The following PODXL variants were observed in gnomAD, a reference collection of about 807,000 sequenced individuals.
PODXL encodes podocalyxin like.
PODXL carries 20 observed loss-of-function variants against 48.9 expected under a neutral mutation model. The observed-to-expected ratio is 0.41, with a 90% CI of 0.29 to 0.59. The LOEUF is 0.59. Among genes scored for constraint, PODXL ranks in the 20% least tolerant of loss-of-function variants. PODXL has a pLI of 0.31. For synonymous variants in PODXL, 295 were observed against 287.4 expected (o/e 1.03, Z -0.27); for missense variants, 606 against 675.1 (o/e 0.90, Z 1.13).
At chr7:131,534,705 AGT>A (rs1798341360) in intron 1 of PODXL, among the ~76,000 whole-genome samples, 1 of 152,202 alleles carries the variant, frequency 6.6e-6, no homozygotes, top group Non-Finnish European at 1.5e-5. Flanking sequence ...GAGTCTGGTA[AGT>A]GAGACTCTGG....
intron 1 of PODXL, among the ~76,000 whole-genome samples, chr7:131,540,402 C>A (rs942806314): frequency 1.3e-5 from 2 of 151,958 alleles, no homozygotes; most frequent in Non-Finnish European, 2.9e-5. Flanking sequence ...AAGGCCCCAC[C>A]CCAGGTCAGA....
At position 131,556,499 on chromosome 7, in the gene PODXL, AGTC is replaced by A; in HGVS notation, c.-143_-141del. 9.5e-7 allele frequency: 1 copy of A among 1,049,030 alleles called. No homozygotes were observed. Among genetic ancestry groups the A allele is most frequent in the Non-Finnish European group, 1.2e-6 (1 of 819,876 alleles). 65.0% of individuals were successfully genotyped at this position (1,049,030 alleles called of 1,614,324 possible). A position where few individuals can be genotyped will look rare whatever the true frequency, so the allele number is the denominator to read the frequency against. ...GCCAGGCTGTGGCCCGGGGCTCCCGAGTCGCGCTGCGGCGGCTCTTCCTCCCTG... is the reference window on the plus strand; with the variant it reads ...GCCAGGCTGTGGCCCGGGGCTCCCGAGCGCTGCGGCGGCTCTTCCTCCCTG... On this transcript the variant is annotated 5_prime_UTR_variant, in exon 1 of 9. Coordinates refer to ENST00000378555, the MANE Select transcript of PODXL (RefSeq NM_001018111.3).
chr7:131,556,342 C>A lies in PODXL; in HGVS notation c.18G>T (p.Ala6=). 6.9e-7 allele frequency: 1 copy of A among 1,457,798 alleles called. No individual in the cohort carries two copies. The allele number at this position is 1,457,798 out of a possible 1,614,324, so 90.3% of individuals were successfully genotyped here. A position where few individuals can be genotyped will look rare whatever the true frequency, so the allele number is the denominator to read the frequency against. Residue 6 remains alanine (A), a synonymous_variant, in exon 1 of 9, where the codon GCG becomes GCT. Coordinates refer to ENST00000378555, the MANE Select transcript of PODXL (RefSeq NM_001018111.3). MRCAL[A]LSALLLLLST... is the part of the protein sequence containing the mutation. The stretch of plus-strand genomic sequence containing the variant: ...ACAACAGTAGCAGCAGCGCCGAGAG[C>A]GCCAGCGCGCAGCGCATCGTGTCGT...
At chr7:131,524,377 C>CAGAGAGAGAGAGAGAGAGAG (rs1451998492) in intron 1 of PODXL, among the ~76,000 whole-genome samples, 3 of 24,068 alleles carry the variant, frequency 1.2e-4, no homozygotes, top group Non-Finnish European at 2.7e-4. Context: ...CACACACACA[C>CAGAGAGAGAGAGAGAGAGAG]ACAGAGAGAG....
chr7:131,519,763 C>T (rs1798064272), intron 1 of PODXL, among the ~76,000 whole-genome samples: 1 of 152,124 alleles, frequency 6.6e-6, no homozygotes, highest in South Asian at 2.1e-4. Context: ...GAGTCTCACT[C>T]CGTCCCACAG....
intron 1 of PODXL, among the ~76,000 whole-genome samples, chr7:131,532,861 G>A (rs552008830): frequency 1.6e-4 from 25 of 152,212 alleles, no homozygotes; most frequent in Non-Finnish European, 2.4e-4. Flanking sequence ...CTCTCTGCCC[G>A]GTGAGGTCAC....
chr7:131,530,055 C>G (rs931076019), intron 1 of PODXL, among the ~76,000 whole-genome samples: 2 of 152,090 alleles, frequency 1.3e-5, no homozygotes, highest in Non-Finnish European at 1.5e-5. Context: ...GCTCCACAAG[C>G]CTCTTCTTTC....
In PODXL at chr7:131,547,374, C is replaced by CAAAAAAAA. The variant is rs10683140; in HGVS notation, c.100+8878_100+8885dup. 3.9e-4 allele frequency among the ~76,000 whole-genome samples: 27 copies of CAAAAAAAA among 68,946 alleles called. 1 individual carries two copies. The highest frequency in any genetic ancestry group is 1.1e-3 in the Admixed American group (5 of 4,606). 45.2% of individuals were successfully genotyped at this position (68,946 alleles called of 152,430 possible). On this transcript the variant is annotated intron_variant, in intron 1 of 8. Coordinates refer to ENST00000378555, the MANE Select transcript of PODXL (RefSeq NM_001018111.3). ...GACAAACAAGAGTGAAACTCCGTCT[C>CAAAAAAAA]AAAAAAAAAAAAAAAAAAAAAAAAT...
At chr7:131,504,610 T>C (rs1283336933) in intron 8 of PODXL, 102 bp from the exon 9 acceptor site, 121 of 957,852 alleles carry the variant, frequency 1.3e-4, no homozygotes, top group Non-Finnish European at 1.8e-4. Flanking sequence ...CCACTGTAGC[T>C]AAAGCAGGCC....
intron 1 of PODXL, among the ~76,000 whole-genome samples, chr7:131,518,118 A>T (rs1798031640): frequency 1.3e-5 from 2 of 152,048 alleles, no homozygotes; most frequent in South Asian, 2.1e-4. Context: ...TCTTAACTTG[A>T]TTACATCTGC....
chr7:131,544,316 T>C (rs544981605), intron 1 of PODXL, among the ~76,000 whole-genome samples: 2 of 152,332 alleles, frequency 1.3e-5, no homozygotes, highest in African/African-American at 4.8e-5. Flanking sequence ...GCCTGTGGCA[T>C]TCAGAGATGT....
chr7:131,556,251 G>T lies in PODXL; in HGVS notation c.100+9C>A, dbSNP rs756204924. On this transcript the variant is annotated intron_variant, in intron 1 of 8. Coordinates refer to ENST00000378555, the MANE Select transcript of PODXL (RefSeq NM_001018111.3). Reference sequence around the variant, plus strand: ...GGGAGTCCCGGCGGAACCCAGGCCGGCCACTCACCATTCTGGGAGGGCGAC... The same window carrying T: ...GGGAGTCCCGGCGGAACCCAGGCCGTCCACTCACCATTCTGGGAGGGCGAC... The T allele has an allele frequency of 2.0e-6, 3 of 1,474,646 alleles. No individual in the cohort carries two copies. Among genetic ancestry groups the T allele is most frequent in the Non-Finnish European group, 9.0e-7 (1 of 1,115,498 alleles). The allele number at this position is 1,474,646 out of a possible 1,614,324, so 91.3% of individuals were successfully genotyped here.
Position 131,521,673 on chromosome 7 carries a change from A to G in PODXL, c.101-10240T>C, listed in dbSNP as rs566033087. Among the ~76,000 whole-genome samples, 23 of 152,298 alleles carry G rather than the reference A, an allele frequency of 1.5e-4. No homozygotes were observed. In the South Asian group the frequency reaches 4.6e-3, roughly 30 times the overall value. ...TCAAATGAATTTCTAAAAGCTGTGTATGGGTTAGTATGAAAATGTGAAGCC... is the reference window on the plus strand; with the variant it reads ...TCAAATGAATTTCTAAAAGCTGTGTGTGGGTTAGTATGAAAATGTGAAGCC... On this transcript the variant is annotated intron_variant, in intron 1 of 8. Coordinates refer to ENST00000378555, the MANE Select transcript of PODXL (RefSeq NM_001018111.3).
Position 131,524,409 on chromosome 7 carries a change from A to AGAGAGAGAGAG in PODXL, c.101-12977_101-12976insCTCTCTCTCTC, listed in dbSNP as rs760491817. 4.2e-3 allele frequency among the ~76,000 whole-genome samples: 304 copies of AGAGAGAGAGAG among 72,196 alleles called. 4 individuals carry two copies. Among genetic ancestry groups the AGAGAGAGAGAG allele is most frequent in the Middle Eastern group, 0.015 (2 of 136 alleles). The allele number at this position is 72,196 out of a possible 152,430, so 47.4% of individuals were successfully genotyped here. On this transcript the variant is annotated intron_variant, in intron 1 of 8. Transcript: ENST00000378555. Reference sequence around the variant, plus strand: ...AGAGAGAGAGAGAGAGAGAGAGAGAAAACAACAAGGAAAACTCAACAATAA... The same window carrying AGAGAGAGAGAG: ...AGAGAGAGAGAGAGAGAGAGAGAGAAGAGAGAGAGAGAACAACAAGGAAAACTCAACAATAA...
chr7:131,555,772 C>A (rs574170407), intron 1 of PODXL, among the ~76,000 whole-genome samples: 55 of 152,344 alleles, frequency 3.6e-4, no homozygotes, highest in Non-Finnish European at 6.9e-4. Flanking sequence ...GTACATCGCC[C>A]GCGTGGGCCG....
intron 1 of PODXL, among the ~76,000 whole-genome samples, chr7:131,546,082 T>A (rs1289086798): frequency 6.6e-6 from 1 of 152,072 alleles, no homozygotes; most frequent in Admixed American, 6.6e-5. Context: ...TCCATGCACC[T>A]CCCCCATGCC....
At chr7:131,540,593 TC>T (rs1393207798) in intron 1 of PODXL, among the ~76,000 whole-genome samples, 2 of 151,782 alleles carry the variant, frequency 1.3e-5, no homozygotes, top group African/African-American at 4.8e-5. Context: ...CACACACACT[TC>T]CAGAGCCAAA....
chr7:131,548,042 G>A (rs972824975), intron 1 of PODXL, among the ~76,000 whole-genome samples: 7 of 152,118 alleles, frequency 4.6e-5, no homozygotes, highest in East Asian at 1.9e-4. Flanking sequence ...GGGACACCTC[G>A]GATCCCTGTT....
intron 1 of PODXL, among the ~76,000 whole-genome samples, chr7:131,513,777 T>C (rs2116797775): frequency 6.6e-6 from 1 of 152,276 alleles, no homozygotes; most frequent in East Asian, 1.9e-4. Flanking sequence ...TGAGTGAGGT[T>C]CAAAGTAGCC....
Sources: allele counts gnomAD v4.1 joint callset (sites outside exome capture counted in the v4.1 genomes callset), GRCh38; gene constraint gnomAD v4.1.1; transcripts MANE v1.5; gene names NCBI Gene and HGNC (gene_info 2026-07-23, HGNC 2026-07-21).